The following PCDHA6 variants were observed in gnomAD, a reference collection of about 807,000 sequenced individuals.
PCDHA6 encodes the protein protocadherin alpha 6, also known as protocadherin alpha-6.
A neutral mutation model predicts 60.3 loss-of-function variants in PCDHA6; 55 were observed. The ratio of observed to expected loss-of-function variants is 0.91; its 90% CI spans 0.73 to 1.14. PCDHA6 has a LOEUF of 1.14. Among genes scored for constraint, PCDHA6 ranks in the 50% most tolerant of loss-of-function variants. The probability of loss-of-function intolerance (pLI) is 0.00; values close to 1 mark genes in which losing one functional copy is unlikely to be tolerated. For missense variants in PCDHA6, 1,327 were observed against 1,256.5 expected, an observed-to-expected ratio of 1.06 and a Z score of -0.85; for synonymous variants, 652 against 557.9, an observed-to-expected ratio of 1.17 and a Z score of -2.38.
At position 140,877,488 on chromosome 5, in the gene PCDHA6, C is replaced by G. The variant is rs781785108; in HGVS notation, c.2394+47003C>G. ...CGGTGCTGGTGTCGCTGGTGGAGAA[C>G]GGCCAGGCCCCAAAGACGTCGTCGC... On this transcript the variant is annotated intron_variant, in intron 1 of 3. Transcript: ENST00000529310. 6.2e-6 allele frequency: 10 copies of G among 1,613,856 alleles called. No homozygotes were observed. In the South Asian group the frequency reaches 1.1e-4, roughly 18 times the overall value.
intron 1 of PCDHA6, among the ~76,000 whole-genome samples, chr5:140,918,467 C>T (rs2078709178): frequency 6.6e-6 from 1 of 152,006 alleles, no homozygotes; most frequent in Non-Finnish European, 1.5e-5. Context: ...TGTCTTATTC[C>T]AAGTCTCAAG....
At chr5:140,966,973 G>T in intron 1 of PCDHA6, 1 of 1,603,054 alleles carries the variant, frequency 6.2e-7, no homozygotes. Flanking sequence ...GGCTTGAGCT[G>T]CGGCGCTTGG....
intron 1 of PCDHA6, among the ~76,000 whole-genome samples, chr5:140,879,880 C>T (rs1162426271): frequency 6.6e-6 from 1 of 152,172 alleles, no homozygotes; most frequent in Admixed American, 6.5e-5. Flanking sequence ...GGTCACATTG[C>T]CTCCTCCTCT....
At chr5:140,871,840 C>G (rs1214510248) in intron 1 of PCDHA6, among the ~76,000 whole-genome samples, 1 of 152,256 alleles carries the variant, frequency 6.6e-6, no homozygotes, top group Admixed American at 6.5e-5. Context: ...CTCTAAACTT[C>G]AATTATGACC....
Position 140,920,646 on chromosome 5 carries a change from C to T in PCDHA6, c.2395-58303C>T, listed in dbSNP as rs1210828369. Among the ~76,000 whole-genome samples, 4 of 152,014 alleles carry T rather than the reference C, an allele frequency of 2.6e-5. No individual in the cohort carries two copies. In the South Asian group the frequency reaches 8.3e-4, roughly 32 times the overall value. On this transcript the variant is annotated intron_variant, in intron 1 of 3. Coordinates refer to ENST00000529310, the MANE Select transcript of PCDHA6 (RefSeq NM_018909.4). ...GGATCACAAGGTCAAGAGATTGAGA[C>T]CATCCTTGCCAACATGGTGAAACCC...
At chr5:140,838,854 C>T (rs1775911734) in intron 1 of PCDHA6, among the ~76,000 whole-genome samples, 1 of 151,798 alleles carries the variant, frequency 6.6e-6, no homozygotes, top group African/African-American at 2.4e-5. Flanking sequence ...CCAGGGAGGT[C>T]CAAGCTGCAG....
chr5:140,997,188 G>T (rs948891203), intron 3 of PCDHA6, among the ~76,000 whole-genome samples: 1 of 151,976 alleles, frequency 6.6e-6, no homozygotes, highest in African/African-American at 2.4e-5. Context: ...GACAATTGAT[G>T]AAACTATATT....
Position 140,834,957 on chromosome 5 carries a change from C to G in PCDHA6, c.2394+4472C>G, listed in dbSNP as rs1222102897. 5.9e-6 allele frequency: 9 copies of G among 1,532,830 alleles called. No homozygotes were observed. In the African/African-American group the frequency reaches 1.2e-4, roughly 20 times the overall value. The allele number at this position is 1,532,830 out of a possible 1,614,324, so 95.0% of individuals were successfully genotyped here. On this transcript the variant is annotated intron_variant, in intron 1 of 3. Coordinates refer to ENST00000529310, the MANE Select transcript of PCDHA6 (RefSeq NM_018909.4). ...AACCAGCAACCAGCAGGTAAAACCT[C>G]TTGGACTTGTATTACGGAAACTTTT...
chr5:140,880,743 T>C (rs976006299), intron 1 of PCDHA6, among the ~76,000 whole-genome samples: 7 of 152,212 alleles, frequency 4.6e-5, no homozygotes, highest in African/African-American at 1.7e-4. Flanking sequence ...AAATGGATTG[T>C]CAGTGTAACT....
rs1770777643 is a variant in PCDHA6 at position 140,830,050 on chromosome 5, C to A, written c.1959C>A (p.Asp653Glu). Reference protein sequence around the residue: ...PRHRLLVLVKDHGEPALTATA... With the variant: ...PRHRLLVLVKEHGEPALTATA... ...ACCGGCTGCTGGTGCTGGTGAAAGA[C>A]CACGGTGAGCCGGCGCTGACAGCGA... The change falls in exon 1 of 4, where the codon GAC becomes GAA. Residue 653 changes from aspartate (D) to glutamate (E), a missense_variant. By Grantham distance (45) the Asp-to-Glu change is conservative. Coordinates refer to ENST00000529310, the MANE Select transcript of PCDHA6 (RefSeq NM_018909.4). The A allele has an allele frequency of 6.2e-7, 1 of 1,613,786 alleles. No homozygotes were observed. The highest frequency in any genetic ancestry group is 8.5e-7 in the Non-Finnish European group (1 of 1,179,898).
chr5:140,869,600 C>T lies in PCDHA6; in HGVS notation c.2394+39115C>T, dbSNP rs782754801. The stretch of plus-strand genomic sequence containing the variant: ...TCTGATGCTGACATTGAAGAGAATG[C>T]TCTATTGACCTACAGGCTAAGTAAA... On this transcript the variant is annotated intron_variant, in intron 1 of 3. Transcript: ENST00000529310. 1.9e-6 allele frequency: 3 copies of T among 1,613,922 alleles called. No homozygotes were observed. The African/African-American group carries it at 4.0e-5, about 22-fold the overall frequency.
intron 1 of PCDHA6, among the ~76,000 whole-genome samples, chr5:140,847,260 T>G (rs1285482056): frequency 6.7e-6 from 1 of 149,726 alleles, no homozygotes; most frequent in Non-Finnish European, 1.5e-5. Context: ...TCACGACTTT[T>G]GAAAGAAGGT....
chr5:141,011,084 C>A lies in PCDHA6; in HGVS notation c.*1147C>A, dbSNP rs928216799. Reference sequence around the variant, plus strand: ...CATGTATTACTAAATAAAATGATCTCTCTTTCTCTCTCTCTCTCTCTTTTC... The same window carrying A: ...CATGTATTACTAAATAAAATGATCTATCTTTCTCTCTCTCTCTCTCTTTTC... On this transcript the variant is annotated 3_prime_UTR_variant, in exon 4 of 4. Transcript: ENST00000529310. 1.3e-5 allele frequency: 2 copies of A among 153,722 alleles called. No individual in the cohort carries two copies. The highest frequency in any genetic ancestry group is 2.9e-5 in the Non-Finnish European group (2 of 68,048). The allele number at this position is 153,722 out of a possible 1,614,324, so 9.5% of individuals were successfully genotyped here.
intron 1 of PCDHA6, among the ~76,000 whole-genome samples, chr5:140,873,074 C>G (rs2054074747): frequency 6.6e-6 from 1 of 152,140 alleles, no homozygotes; most frequent in Non-Finnish European, 1.5e-5. Flanking sequence ...TCATATCTAG[C>G]TATTTCCCCC....
At chr5:140,841,860 T>C (rs2150324281) in intron 1 of PCDHA6, 1 of 1,613,766 alleles carries the variant, frequency 6.2e-7, no homozygotes, top group Admixed American at 1.7e-5. Context: ...TACTTCATGC[T>C]AGATGTGAAT....
intron 1 of PCDHA6, chr5:140,875,686 G>C (rs17844351): frequency 0.022 from 35,932 of 1,613,570 alleles, 480 homozygotes; most frequent in East Asian, 0.061. Flanking sequence ...CAAAAGACAC[G>C]GGGACCTTCT....
At position 140,841,334 on chromosome 5, in the gene PCDHA6, T is replaced by C. The variant is rs2150313767; in HGVS notation, c.2394+10849T>C. The C allele has an allele frequency of 4.1e-5, 65 of 1,588,822 alleles. No homozygotes were observed. The African/African-American group carries it at 7.9e-4, about 19-fold the overall frequency. ...ACGACTATTTAACATGGATTATCAC[T>C]GGCGAGGAGAGCTGGGATCCTGGCG... On this transcript the variant is annotated intron_variant, in intron 1 of 3. Coordinates refer to ENST00000529310, the MANE Select transcript of PCDHA6 (RefSeq NM_018909.4).
chr5:140,885,861 A>G (rs1329895164), intron 1 of PCDHA6, among the ~76,000 whole-genome samples: 1 of 152,104 alleles, frequency 6.6e-6, no homozygotes, highest in African/African-American at 2.4e-5. Context: ...CTACTTTTCT[A>G]TTGAAAAAAA....
chr5:140,890,550 C>A (rs1162286556), intron 1 of PCDHA6, among the ~76,000 whole-genome samples: 1 of 151,958 alleles, frequency 6.6e-6, no homozygotes, highest in Admixed American at 6.6e-5. Context: ...TGACTGAGTA[C>A]TTTTTATTGT....
Sources: allele counts gnomAD v4.1 joint callset (sites outside exome capture counted in the v4.1 genomes callset), GRCh38; gene constraint gnomAD v4.1.1; transcripts MANE v1.5; gene names NCBI Gene and HGNC (gene_info 2026-07-23, HGNC 2026-07-21).